LRP1B: variants seen among roughly 807,000 people sequenced by gnomAD.
LRP1B encodes the protein LDL receptor related protein 1B.
LRP1B carries 217 observed loss-of-function variants against 556.6 expected under a neutral mutation model. The ratio of observed to expected loss-of-function variants is 0.39; its 90% CI spans 0.35 to 0.44. The LOEUF is 0.44. Among genes scored for constraint, LRP1B ranks in the 20% least tolerant of loss-of-function variants. The pLI, the probability that LRP1B is intolerant of heterozygous loss-of-function variation, is 1.00. For missense variants in LRP1B, 5,053 were observed against 5,620.8 expected (o/e 0.90, Z 3.23); for synonymous variants, 2,047 against 1,865.8 (o/e 1.10, Z -2.50).
intron 2 of LRP1B, among the ~76,000 whole-genome samples, chr2:141,628,142 C>T (rs1443398270): frequency 1.3e-5 from 2 of 152,156 alleles, no homozygotes; most frequent in Non-Finnish European, 2.9e-5. Context: ...CAAATCTTCA[C>T]CTAAACTTGA....
intron 86 of LRP1B, among the ~76,000 whole-genome samples, chr2:140,263,832 A>G (rs1160391318): frequency 6.7e-6 from 1 of 148,586 alleles, no homozygotes; most frequent in Non-Finnish European, 1.5e-5. Flanking sequence ...GTGTCCCTCA[A>G]CATTCTGCCA....
chr2:141,139,835 C>T (rs1701597241), intron 7 of LRP1B, among the ~76,000 whole-genome samples: 1 of 150,288 alleles, frequency 6.7e-6, no homozygotes, highest in Non-Finnish European at 1.5e-5. Context: ...CATAACCTAT[C>T]CCTTCTACTC....
rs1314902604 is a variant in LRP1B at position 142,001,059 on chromosome 2, G to C, written c.82+129589C>G. Among the ~76,000 whole-genome samples the C allele has an allele frequency of 6.6e-5, 10 of 152,222 alleles. No homozygotes were observed. In the East Asian group the frequency reaches 1.9e-3, roughly 29 times the overall value. ...GGTTTTATAAAGGGTTTCCCCTTTT[G>C]CTTGGCTCTTGTTCTCTCTTGCCTG... is the stretch of plus-strand genomic sequence containing the variant. On this transcript the variant is annotated intron_variant, in intron 1 of 90. Coordinates refer to ENST00000389484, the MANE Select transcript of LRP1B (RefSeq NM_018557.3).
intron 3 of LRP1B, among the ~76,000 whole-genome samples, chr2:141,349,596 T>G (rs1225095729): frequency 6.6e-6 from 1 of 152,122 alleles, no homozygotes; most frequent in African/African-American, 2.4e-5. Flanking sequence ...TATAGACATA[T>G]TCTCATGCAA....
intron 41 of LRP1B, among the ~76,000 whole-genome samples, chr2:140,656,200 A>G (rs1200497448): frequency 6.6e-6 from 1 of 152,194 alleles, no homozygotes; most frequent in Non-Finnish European, 1.5e-5. Context: ...GAAATCTGCT[A>G]GCAGATTCTG....
intron 31 of LRP1B, among the ~76,000 whole-genome samples, chr2:140,816,603 A>C (rs144985813): frequency 0.019 from 2,875 of 152,170 alleles, 93 homozygotes; most frequent in Admixed American, 0.082. Context: ...TAATCTCTCT[A>C]TATATATGTA....
intron 86 of LRP1B, 67 bp from the exon 87 acceptor site, chr2:140,247,229 A>T (rs1270550485): frequency 1.8e-6 from 2 of 1,099,360 alleles, no homozygotes; most frequent in African/African-American, 1.5e-5. Context: ...CAGCTAATGT[A>T]GTAACTTTAA....
chr2:140,404,740 T>C (rs775125103), intron 66 of LRP1B, among the ~76,000 whole-genome samples: 3 of 152,090 alleles, frequency 2.0e-5, no homozygotes, highest in Non-Finnish European at 4.4e-5. Flanking sequence ...TAAAAAACAA[T>C]ATTCCACACA....
At chr2:140,474,310 C>G (rs1687881574) in intron 60 of LRP1B, among the ~76,000 whole-genome samples, 1 of 151,898 alleles carries the variant, frequency 6.6e-6, no homozygotes, top group Non-Finnish European at 1.5e-5. Flanking sequence ...ATCCTCTCTT[C>G]CTTACCATTT....
At chr2:140,619,062 T>C (rs1683358126) in intron 41 of LRP1B, among the ~76,000 whole-genome samples, 1 of 134,402 alleles carries the variant, frequency 7.4e-6, no homozygotes, top group Non-Finnish European at 1.6e-5. Context: ...TCTGATGGTA[T>C]GTATATCTAT....
At chr2:141,307,640 G>A (rs1328920710) in intron 3 of LRP1B, among the ~76,000 whole-genome samples, 2 of 152,098 alleles carry the variant, frequency 1.3e-5, no homozygotes, top group Non-Finnish European at 2.9e-5. Context: ...GTTAGTGGAG[G>A]CTGTTGTGAA....
At chr2:141,477,204 G>A (rs1202738346) in intron 3 of LRP1B, among the ~76,000 whole-genome samples, 1 of 150,566 alleles carries the variant, frequency 6.6e-6, no homozygotes, top group Non-Finnish European at 1.5e-5. Context: ...CATATCTTAG[G>A]CTTTAGGTAT....
chr2:141,874,308 G>C (rs773159915), intron 1 of LRP1B, among the ~76,000 whole-genome samples: 15 of 151,690 alleles, frequency 9.9e-5, no homozygotes, highest in Non-Finnish European at 2.1e-4. Flanking sequence ...TGGATCACAA[G>C]CTTGTAAAGC....
At chr2:141,806,360 T>G (rs1696167983) in intron 2 of LRP1B, among the ~76,000 whole-genome samples, 1 of 152,084 alleles carries the variant, frequency 6.6e-6, no homozygotes, top group African/African-American at 2.4e-5. Context: ...GATTTTCTAT[T>G]CTCATTGCCT....
intron 7 of LRP1B, among the ~76,000 whole-genome samples, chr2:141,169,780 T>G (rs1680418418): frequency 7.3e-6 from 1 of 137,182 alleles, no homozygotes. Flanking sequence ...CTCTCTCCAG[T>G]GCACCTCCCA....
chr2:141,525,137 A>G (rs1160039105), intron 2 of LRP1B, among the ~76,000 whole-genome samples: 4 of 152,134 alleles, frequency 2.6e-5, no homozygotes, highest in African/African-American at 4.8e-5. Context: ...TTTCATCCCG[A>G]ATCAGTCATC....
intron 34 of LRP1B, among the ~76,000 whole-genome samples, chr2:140,769,710 C>G (rs1245212878): frequency 6.6e-6 from 1 of 151,920 alleles, no homozygotes; most frequent in African/African-American, 2.4e-5. Context: ...GGAAGCCTAC[C>G]TCATCTCTCA....
At chr2:141,951,250 C>T in intron 1 of LRP1B, among the ~76,000 whole-genome samples, 1 of 151,674 alleles carries the variant, frequency 6.6e-6, no homozygotes, top group East Asian at 1.9e-4. Flanking sequence ...TAGTTAAGTT[C>T]TTTAGTGGTA....
At chr2:140,814,774 CA>C (rs1691051098) in intron 31 of LRP1B, among the ~76,000 whole-genome samples, 1 of 152,074 alleles carries the variant, frequency 6.6e-6, no homozygotes. Flanking sequence ...GTGAGTGAAT[CA>C]AGCCAATGAC....
Sources: allele counts gnomAD v4.1 joint callset (sites outside exome capture counted in the v4.1 genomes callset), GRCh38; gene constraint gnomAD v4.1.1; transcripts MANE v1.5; gene names NCBI Gene and HGNC (gene_info 2026-07-23, HGNC 2026-07-21).